Variants in NRG1 observed in about 807,000 individuals in gnomAD.
NRG1 encodes pro-neuregulin-1, membrane-bound isoform.
In NRG1, 18 loss-of-function variants were observed where a neutral mutation model predicts 63.8. That is an observed-to-expected ratio of 0.28 (90% CI 0.19 to 0.42). The LOEUF is 0.42. Ranked by LOEUF, NRG1 falls within the 10% of genes least tolerant of loss-of-function variation. The probability of loss-of-function intolerance (pLI) is 1.00; values close to 1 mark genes in which losing one functional copy is unlikely to be tolerated. For synonymous variants in NRG1, 302 were observed against 301.3 expected (o/e 1.00, Z -0.02); for missense variants, 762 against 814.7 (o/e 0.94, Z 0.79).
At chr8:32,751,653 G>A (rs1828758033) in intron 7 of NRG1, among the ~76,000 whole-genome samples, 1 of 152,178 alleles carries the variant, frequency 6.6e-6, no homozygotes, top group African/African-American at 2.4e-5. Context: ...GTGAATATAA[G>A]ATTTTAATCC....
In NRG1 at chr8:32,667,304, C is replaced by T. The variant is rs1563901799; in HGVS notation, c.502+50419C>T. Among the ~76,000 whole-genome samples, 4 of 152,164 alleles carry T rather than the reference C, an allele frequency of 2.6e-5. No homozygotes were observed. The South Asian group carries it at 8.3e-4, about 31-fold the overall frequency. On this transcript the variant is annotated intron_variant, in intron 5 of 11. Coordinates refer to ENST00000356819, the Ensembl canonical transcript of NRG1. ...TGTCGTAGATGCAGTTTCCTGTTGA[C>T]CAAAATGTCCTTATATGGCACGTGA...
downstream of NRG1, among the ~76,000 whole-genome samples, chr8:32,769,956 A>C (rs1055505296): frequency 1.1e-4 from 16 of 152,208 alleles, no homozygotes; most frequent in African/African-American, 3.1e-4. Context: ...ATCTATTGTG[A>C]TCTACCTGAG....
At chr8:31,922,860 A>G (rs1834027385) in intron 1 of NRG1, among the ~76,000 whole-genome samples, 1 of 152,166 alleles carries the variant, frequency 6.6e-6, no homozygotes, top group Admixed American at 6.6e-5. Context: ...AAGAGCTTGT[A>G]GCTTAGTGGG....
At chr8:32,139,042 A>G (rs1429670451) in intron 1 of NRG1, among the ~76,000 whole-genome samples, 1 of 152,226 alleles carries the variant, frequency 6.6e-6, no homozygotes, top group Non-Finnish European at 1.5e-5. Flanking sequence ...CATGGCATAA[A>G]ATAATCCTTA....
chr8:32,647,187 C>T (rs949458692), intron 5 of NRG1: 4 of 985,378 alleles, frequency 4.1e-6, no homozygotes, highest in East Asian at 2.3e-4. Flanking sequence ...GCCGTCGTCG[C>T]GTTAACACAA....
At chr8:32,680,931 T>C (rs949696082) in intron 5 of NRG1, among the ~76,000 whole-genome samples, 2 of 152,068 alleles carry the variant, frequency 1.3e-5, no homozygotes, top group Non-Finnish European at 2.9e-5. Flanking sequence ...CCATCCTGTT[T>C]TACTGATGAG....
At chr8:31,836,108 A>G (rs758918207) in intron 1 of NRG1, among the ~76,000 whole-genome samples, 1 of 152,214 alleles carries the variant, frequency 6.6e-6, no homozygotes, top group African/African-American at 2.4e-5. Flanking sequence ...AGAGGAATGT[A>G]GGACTCAGAG....
chr8:32,337,756 G>C lies in NRG1; in HGVS notation c.38-258072G>C, dbSNP rs545712283. ...TGCTTCTTACATGGTAGTGCTAAAGGCCAAGCCTGCATATCCCTGCAATCT... is the reference window on the plus strand; with the variant it reads ...TGCTTCTTACATGGTAGTGCTAAAGCCCAAGCCTGCATATCCCTGCAATCT... On this transcript the variant is annotated intron_variant, in intron 1 of 10. Transcript: ENST00000519301. 6.9e-5 allele frequency among the ~76,000 whole-genome samples: 10 copies of C among 145,448 alleles called. 1 individual carries two copies. The highest frequency in any genetic ancestry group is 5.7e-4 in the Admixed American group (8 of 14,158).
intron 1 of NRG1, among the ~76,000 whole-genome samples, chr8:32,014,880 A>G (rs1815276699): frequency 6.6e-6 from 1 of 152,148 alleles, no homozygotes; most frequent in South Asian, 2.1e-4. Context: ...CTGAACACAG[A>G]GACAGACAAG....
chr8:32,156,008 C>T (rs987929293), intron 1 of NRG1, among the ~76,000 whole-genome samples: 1 of 152,174 alleles, frequency 6.6e-6, no homozygotes, highest in Non-Finnish European at 1.5e-5. Context: ...AGGATTGTTT[C>T]AGGTGCTAAA....
chr8:32,764,846 T>C (rs924973012), exon 12 of NRG1: 1 of 154,044 alleles, frequency 6.5e-6, no homozygotes, highest in South Asian at 2.0e-4. Flanking sequence ...CAGATATGCC[T>C]CTCTTGTGTA....
intron 1 of NRG1, among the ~76,000 whole-genome samples, chr8:32,348,110 AG>A (rs1232898573): frequency 1.3e-5 from 2 of 152,176 alleles, no homozygotes; most frequent in African/African-American, 2.4e-5. Flanking sequence ...CAATTACTCT[AG>A]GGGTTTATTG....
chr8:32,030,203 A>G (rs1014037459), intron 1 of NRG1, among the ~76,000 whole-genome samples: 1 of 152,204 alleles, frequency 6.6e-6, no homozygotes, highest in African/African-American at 2.4e-5. Flanking sequence ...CATACTACAT[A>G]TGTGAAAGTT....
At chr8:31,690,723 C>G (rs1809415141) in intron 1 of NRG1, among the ~76,000 whole-genome samples, 2 of 152,046 alleles carry the variant, frequency 1.3e-5, no homozygotes, top group African/African-American at 4.8e-5. Flanking sequence ...AAAGAGGTTC[C>G]AAGGATGATT....
chr8:32,437,199 T>C (rs192986546), intron 1 of NRG1, among the ~76,000 whole-genome samples: 1 of 152,086 alleles, frequency 6.6e-6, no homozygotes, highest in East Asian at 1.9e-4. Context: ...ACCTACCTAT[T>C]CATTGTCCAT....
intron 1 of NRG1, among the ~76,000 whole-genome samples, chr8:31,695,167 C>G (rs1298844391): frequency 6.6e-6 from 1 of 151,980 alleles, no homozygotes; most frequent in Non-Finnish European, 1.5e-5. Flanking sequence ...GTGCTACACA[C>G]TTTTATTTAT....
intron 1 of NRG1, among the ~76,000 whole-genome samples, chr8:31,703,164 G>GTA (rs1385340374): frequency 6.7e-6 from 1 of 150,284 alleles, no homozygotes; most frequent in Non-Finnish European, 1.5e-5. Flanking sequence ...AGACGAAAGG[G>GTA]TATAGCATAC....
intron 1 of NRG1, among the ~76,000 whole-genome samples, chr8:31,806,488 T>C (rs1822298338): frequency 6.6e-6 from 1 of 152,064 alleles, no homozygotes; most frequent in African/African-American, 2.4e-5. Flanking sequence ...AATGTGAAAT[T>C]AAAAAAAACT....
chr8:31,694,779 T>A (rs193290092), intron 1 of NRG1, among the ~76,000 whole-genome samples: 4 of 152,222 alleles, frequency 2.6e-5, no homozygotes, highest in Non-Finnish European at 4.4e-5. Flanking sequence ...CATCTTGCTG[T>A]TCTTAAAGCA....
Sources: gnomAD v4.1 joint callset for allele counts (sites outside exome capture counted in the v4.1 genomes callset) on GRCh38, gnomAD v4.1.1 for gene constraint, MANE v1.5 for transcripts, NCBI Gene and HGNC (gene_info 2026-07-23, HGNC 2026-07-21) for gene names.